Variants in ZNF438 observed in about 807,000 individuals in gnomAD.
ZNF438 encodes the protein zinc finger protein 438.
A neutral mutation model predicts 38.0 loss-of-function variants in ZNF438; 25 were observed. That is an observed-to-expected ratio of 0.66 (90% CI 0.48 to 0.92). ZNF438 has a LOEUF of 0.92. Ranked by LOEUF, ZNF438 falls within the 40% of genes least tolerant of loss-of-function variation. ZNF438 has a pLI of 0.00. For synonymous variants in ZNF438, 372 were observed against 364.1 expected, an observed-to-expected ratio of 1.02 and a Z score of -0.25; for missense variants, 1,007 against 999.6, an observed-to-expected ratio of 1.01 and a Z score of -0.10.
chr10:30,942,163 C>G (rs2046882627), intron 1 of ZNF438, among the ~76,000 whole-genome samples: 1 of 152,150 alleles, frequency 6.6e-6, no homozygotes, highest in African/African-American at 2.4e-5. Flanking sequence ...TGGGAAGGCT[C>G]TGCCTTATGG....
chr10:30,969,602 A>G (rs1397476709), intron 1 of ZNF438, among the ~76,000 whole-genome samples: 2 of 152,186 alleles, frequency 1.3e-5, no homozygotes, highest in African/African-American at 4.8e-5. Context: ...TCCAGCAATA[A>G]TCAGTTCCCC....
intron 5 of ZNF438, among the ~76,000 whole-genome samples, chr10:30,846,320 T>C (rs902072157): frequency 4.6e-5 from 7 of 152,070 alleles, no homozygotes; most frequent in African/African-American, 1.7e-4. Flanking sequence ...GTCCTGAGAG[T>C]GTCAGGTTCA....
At chr10:30,889,367 ATGC>A (rs2040383905) in intron 3 of ZNF438, among the ~76,000 whole-genome samples, 2 of 152,154 alleles carry the variant, frequency 1.3e-5, no homozygotes, top group African/African-American at 4.8e-5. Flanking sequence ...AAATGGCTGC[ATGC>A]TGCTAACGGG....
chr10:30,984,531 T>C (rs751798404), intron 1 of ZNF438, 105 bp from the exon 2 acceptor site: 9 of 152,160 alleles, frequency 5.9e-5, no homozygotes, highest in Non-Finnish European at 1.0e-4. Context: ...AATTACTGTA[T>C]ATTTTTATTA....
intron 4 of ZNF438, among the ~76,000 whole-genome samples, chr10:30,868,485 T>C (rs2036848945): frequency 6.6e-6 from 1 of 152,228 alleles, no homozygotes; most frequent in Non-Finnish European, 1.5e-5. Flanking sequence ...TGGAATTCTA[T>C]AAATGTTTTT....
chr10:30,932,347 G>A (rs2045788061), intron 2 of ZNF438, among the ~76,000 whole-genome samples: 1 of 151,922 alleles, frequency 6.6e-6, no homozygotes, highest in Admixed American at 6.6e-5. Flanking sequence ...TTTGGCACTG[G>A]TACTCCTTGT....
intron 2 of ZNF438, among the ~76,000 whole-genome samples, chr10:30,939,128 C>T (rs986118765): frequency 5.9e-5 from 9 of 152,164 alleles, no homozygotes; most frequent in African/African-American, 1.9e-4. Context: ...GTTCCCACTT[C>T]CTAGCCCTTA....
chr10:31,008,414 C>T (rs1182756074), intron 1 of ZNF438, among the ~76,000 whole-genome samples: 1 of 152,098 alleles, frequency 6.6e-6, no homozygotes, highest in East Asian at 1.9e-4. Context: ...CAAAATGAAA[C>T]TCCCTATCCA....
At chr10:30,868,602 A>G (rs1162599501) in intron 4 of ZNF438, among the ~76,000 whole-genome samples, 2 of 152,226 alleles carry the variant, frequency 1.3e-5, no homozygotes, top group East Asian at 3.8e-4. Context: ...AGATTTTTAA[A>G]AACAGAAAAT....
chr10:30,924,477 T>C (rs2044686087), intron 2 of ZNF438, among the ~76,000 whole-genome samples: 2 of 152,224 alleles, frequency 1.3e-5, no homozygotes, highest in South Asian at 4.1e-4. Flanking sequence ...TTCAGTTCTT[T>C]GATACTTATT....
intron 1 of ZNF438, among the ~76,000 whole-genome samples, chr10:31,022,238 C>T (rs2056646939): frequency 2.0e-5 from 3 of 150,676 alleles, no homozygotes; most frequent in Non-Finnish European, 4.4e-5. Context: ...TGCTGCCGCT[C>T]TGATCCACTA....
At chr10:31,024,770 T>C (rs1191795250) in intron 1 of ZNF438, among the ~76,000 whole-genome samples, 12 of 152,256 alleles carry the variant, frequency 7.9e-5, no homozygotes, top group African/African-American at 2.9e-4. Flanking sequence ...ACACATTTTA[T>C]GGGCTGTTTG....
chr10:30,862,585 A>G (rs1349219157), intron 4 of ZNF438, among the ~76,000 whole-genome samples: 1 of 152,234 alleles, frequency 6.6e-6, no homozygotes, highest in Non-Finnish European at 1.5e-5. Flanking sequence ...AATTACAAGC[A>G]TAAGCCATTG....
At chr10:30,933,138 C>A (rs1359734099) in intron 2 of ZNF438, among the ~76,000 whole-genome samples, 1 of 152,198 alleles carries the variant, frequency 6.6e-6, no homozygotes, top group African/African-American at 2.4e-5. Flanking sequence ...TGAAATATGT[C>A]ATCCAATCAA....
At chr10:30,886,987 A>T (rs1445733864) in intron 3 of ZNF438, among the ~76,000 whole-genome samples, 2 of 152,204 alleles carry the variant, frequency 1.3e-5, no homozygotes, top group African/African-American at 4.8e-5. Flanking sequence ...AGAGAGGGGA[A>T]GATACTGCCC....
chr10:30,847,401 G>C lies in ZNF438; in HGVS notation c.1874+1130C>G, dbSNP rs371113365. Among the ~76,000 whole-genome samples, 54 of 152,268 alleles carry C rather than the reference G, an allele frequency of 3.5e-4. No homozygotes were observed. In the South Asian group the frequency reaches 8.7e-3, roughly 25 times the overall value. The stretch of plus-strand genomic sequence containing the variant: ...GCACAAGAGATGACGGGGAAAACCT[G>C]CCTGCAGAGAGGAACTGCCCCCTGC... On this transcript the variant is annotated intron_variant, in intron 5 of 5. Transcript: ENST00000413025.
At chr10:30,870,290 T>A (rs984786092) in intron 4 of ZNF438, among the ~76,000 whole-genome samples, 6 of 151,318 alleles carry the variant, frequency 4.0e-5, no homozygotes, top group Non-Finnish European at 8.8e-5. Context: ...TTCATGGACA[T>A]GTGTGGAGAA....
chr10:30,936,598 T>C (rs975503467), intron 2 of ZNF438, among the ~76,000 whole-genome samples: 1 of 152,094 alleles, frequency 6.6e-6, no homozygotes, highest in African/African-American at 2.4e-5. Context: ...CGCTTGAACC[T>C]GGGAGGCGGA....
intron 1 of ZNF438, among the ~76,000 whole-genome samples, chr10:30,973,880 C>G (rs1245816267): frequency 6.6e-6 from 1 of 152,222 alleles, no homozygotes; most frequent in Non-Finnish European, 1.5e-5. Context: ...TTTGAAAACT[C>G]TCTCTGCCCA....
Sources: allele counts gnomAD v4.1 joint callset (sites outside exome capture counted in the v4.1 genomes callset), GRCh38; gene constraint gnomAD v4.1.1; transcripts MANE v1.5; gene names NCBI Gene and HGNC (gene_info 2026-07-23, HGNC 2026-07-21).